CTNNA3: variants seen among roughly 807,000 people sequenced by gnomAD.
CTNNA3 encodes catenin alpha 3.
In CTNNA3, 76 loss-of-function variants were observed where a neutral mutation model predicts 95.7. That is an observed-to-expected ratio of 0.79 (90% CI 0.66 to 0.96). The LOEUF is 0.96. CTNNA3 is among the 40% of genes least tolerant of loss of function. The pLI, the probability that CTNNA3 is intolerant of heterozygous loss-of-function variation, is 0.00. For missense variants in CTNNA3, 1,191 were observed against 1,089.8 expected (o/e 1.09, Z -1.31); for synonymous variants, 431 against 374.4 (o/e 1.15, Z -1.74).
At chr10:66,057,049 C>T (rs1482432253) in intron 15 of CTNNA3, among the ~76,000 whole-genome samples, 1 of 152,174 alleles carries the variant, frequency 6.6e-6, no homozygotes, top group Non-Finnish European at 1.5e-5. Context: ...ATGTCCTGCT[C>T]CTATTTAGTC....
At chr10:66,302,117 C>T (rs2091871028) in intron 12 of CTNNA3, among the ~76,000 whole-genome samples, 1 of 151,970 alleles carries the variant, frequency 6.6e-6, no homozygotes, top group South Asian at 2.1e-4. Context: ...AAAATAATAT[C>T]TACGAGATCC....
intron 14 of CTNNA3, among the ~76,000 whole-genome samples, chr10:66,080,885 C>T (rs532424249): frequency 6.6e-6 from 1 of 152,256 alleles, no homozygotes; most frequent in East Asian, 1.9e-4. Context: ...CTTTACCTTT[C>T]TTGATAACTA....
chr10:66,927,972 C>G lies in CTNNA3; in HGVS notation c.1048-152448G>C, dbSNP rs1847166407. On this transcript the variant is annotated intron_variant, in intron 7 of 17. Coordinates refer to ENST00000433211, the MANE Select transcript of CTNNA3 (RefSeq NM_013266.4). The surrounding 1 kb of genome is among the most constrained non-coding windows in gnomAD (Gnocchi z 4.7). ...AAGAGCTGCAAGGAGTAAATGTGATCGATGCAGTGAAGAACTACAGCATCT... is the reference window on the plus strand; with the variant it reads ...AAGAGCTGCAAGGAGTAAATGTGATGGATGCAGTGAAGAACTACAGCATCT... 1 of 1,614,160 alleles carries G rather than the reference C, an allele frequency of 6.2e-7. No individual in the cohort carries two copies. The highest frequency in any genetic ancestry group is 2.2e-5 in the East Asian group (1 of 44,880).
intron 9 of CTNNA3, among the ~76,000 whole-genome samples, chr10:66,749,708 A>C (rs1197829046): frequency 6.6e-6 from 1 of 152,192 alleles, no homozygotes; most frequent in Non-Finnish European, 1.5e-5. Flanking sequence ...TAAGTTTTCA[A>C]ATCCCTTGGG....
intron 1 of CTNNA3, among the ~76,000 whole-genome samples, chr10:67,714,652 T>C (rs936825276): frequency 1.3e-5 from 2 of 152,176 alleles, no homozygotes; most frequent in African/African-American, 4.8e-5. Flanking sequence ...TGAGAAGGCA[T>C]GACTGGTTTT....
intron 1 of CTNNA3, among the ~76,000 whole-genome samples, chr10:67,735,634 T>TA (rs1285266969): frequency 4.6e-5 from 7 of 151,970 alleles, no homozygotes; most frequent in East Asian, 1.9e-4. Flanking sequence ...GTTATGTTTT[T>TA]AAAAAAAAGA....
intron 10 of CTNNA3, among the ~76,000 whole-genome samples, chr10:66,525,713 A>G (rs376346253): frequency 6.6e-6 from 1 of 152,188 alleles, no homozygotes; most frequent in Admixed American, 6.5e-5. Context: ...ACTCAGTGGC[A>G]TTAAGTACAT....
rs549110428 is a variant in CTNNA3, at chr10:66,736,290, A to T, written c.1281+29974T>A. ...AACTTCCGCCTCCCGGGTTCAAGCA[A>T]TTCTCCTGCCTCAGCCTCCCGAGTA... On this transcript the variant is annotated intron_variant, in intron 9 of 17. Transcript: ENST00000433211. 7.2e-5 allele frequency among the ~76,000 whole-genome samples: 11 copies of T among 151,808 alleles called. No individual in the cohort carries two copies. The South Asian group carries it at 1.9e-3, about 26-fold the overall frequency.
rs904543386 is a variant in CTNNA3 at position 66,934,180 on chromosome 10, G to GA, written c.1048-158657dup. ...ATAAGCAATAATAATCCATTTTATT[G>GA]AAAAAAAAGAAAAACAGCTTCTATC... is the stretch of plus-strand genomic sequence containing the variant. On this transcript the variant is annotated intron_variant, in intron 7 of 17. Transcript: ENST00000433211. 9.3e-4 allele frequency among the ~76,000 whole-genome samples: 141 copies of GA among 151,116 alleles called. 1 individual carries two copies. Among genetic ancestry groups the GA allele is most frequent in the African/African-American group, 3.2e-3 (134 of 41,258 alleles).
chr10:66,841,438 A>T (rs961821136), intron 7 of CTNNA3, among the ~76,000 whole-genome samples: 8 of 152,240 alleles, frequency 5.3e-5, no homozygotes, highest in African/African-American at 1.9e-4. Context: ...CTTCCAATTC[A>T]TTCAAATGGA....
intron 4 of CTNNA3, among the ~76,000 whole-genome samples, chr10:67,534,578 T>C (rs547587338): frequency 2.0e-4 from 30 of 152,284 alleles, no homozygotes; most frequent in Admixed American, 9.2e-4. Context: ...TGTTGCAATA[T>C]AGATATCCCT....
chr10:66,314,205 G>A (rs2092066530), intron 12 of CTNNA3, among the ~76,000 whole-genome samples: 1 of 152,006 alleles, frequency 6.6e-6, no homozygotes, highest in Non-Finnish European at 1.5e-5. Flanking sequence ...GCTGGCCCAG[G>A]GACAGCATTG....
intron 7 of CTNNA3, chr10:67,099,617 T>C (rs1858219069): frequency 6.6e-6 from 1 of 152,246 alleles, no homozygotes; most frequent in Non-Finnish European, 1.5e-5. Flanking sequence ...CAAATTTTTG[T>C]TGAAAATATA....
intron 11 of CTNNA3, among the ~76,000 whole-genome samples, chr10:66,465,686 T>C (rs1838883466): frequency 6.6e-6 from 1 of 152,054 alleles, no homozygotes; most frequent in South Asian, 2.1e-4. Flanking sequence ...TACAAGACCC[T>C]GGTGACTTGC....
At chr10:66,016,191 A>C (rs773045482) in intron 15 of CTNNA3, among the ~76,000 whole-genome samples, 4 of 152,342 alleles carry the variant, frequency 2.6e-5, no homozygotes, top group Non-Finnish European at 2.9e-5. Context: ...TTAATCAACT[A>C]TTTAATAGCT....
chr10:66,946,904 T>C (rs1848301313), intron 7 of CTNNA3, among the ~76,000 whole-genome samples: 1 of 152,172 alleles, frequency 6.6e-6, no homozygotes, highest in Non-Finnish European at 1.5e-5. Flanking sequence ...AATGAAAATT[T>C]TCCTACAGTC....
At chr10:67,452,423 C>G (rs1239725346) in intron 5 of CTNNA3, among the ~76,000 whole-genome samples, 1 of 152,078 alleles carries the variant, frequency 6.6e-6, no homozygotes, top group Non-Finnish European at 1.5e-5. Context: ...TACCTAACAT[C>G]TAATTTAAAT....
intron 13 of CTNNA3, among the ~76,000 whole-genome samples, chr10:66,106,337 T>TTGTGTGTGTGTG (rs201326026): frequency 6.1e-4 from 89 of 145,550 alleles, no homozygotes; most frequent in African/African-American, 2.0e-3. Context: ...GTGTGTGTGT[T>TTGTGTGTGTGTG]TGTGTGTGTG....
chr10:66,889,509 G>T (rs1016357626), intron 7 of CTNNA3, among the ~76,000 whole-genome samples: 1 of 152,110 alleles, frequency 6.6e-6, no homozygotes, highest in Non-Finnish European at 1.5e-5. Flanking sequence ...ATTCGATTTT[G>T]CTGTGAACTT....
Sources: allele counts gnomAD v4.1 joint callset (sites outside exome capture counted in the v4.1 genomes callset), GRCh38; gene constraint gnomAD v4.1.1; non-coding constraint Gnocchi (gnomAD v3.1); transcripts MANE v1.5; gene names NCBI Gene and HGNC (gene_info 2026-07-23, HGNC 2026-07-21).